Variants in CTSB observed in about 807,000 individuals in gnomAD.
CTSB encodes cathepsin B.
Under a neutral mutation model 44.3 loss-of-function variants are expected in CTSB, and 57 were observed. The ratio of observed to expected loss-of-function variants is 1.29; its 90% CI spans 1.04 to 1.60. The LOEUF (loss-of-function observed/expected upper bound fraction) is 1.60. Among genes scored for constraint, CTSB ranks in the 40% most tolerant of loss-of-function variants. The pLI, the probability that CTSB is intolerant of heterozygous loss-of-function variation, is 0.00. For missense variants in CTSB, 768 were observed against 443.0 expected, an observed-to-expected ratio of 1.73 and a Z score of -6.59; for synonymous variants, 320 against 168.0, an observed-to-expected ratio of 1.91 and a Z score of -7.00.
At chr8:11,857,131 C>G (rs925829915) in intron 1 of CTSB, among the ~76,000 whole-genome samples, 1 of 152,162 alleles carries the variant, frequency 6.6e-6, no homozygotes, top group Non-Finnish European at 1.5e-5. Context: ...TCAAGTGATT[C>G]TTGTGCCTCA....
At chr8:11,854,311 T>C (rs1815140620) in intron 1 of CTSB, among the ~76,000 whole-genome samples, 2 of 152,152 alleles carry the variant, frequency 1.3e-5, no homozygotes, top group Non-Finnish European at 2.9e-5. Flanking sequence ...TGAGGTGTTC[T>C]ACCTCCCACA....
intron 6 of CTSB, 71 bp from the exon 7 acceptor site, chr8:11,847,893 T>A: frequency 7.0e-7 from 1 of 1,431,026 alleles, no homozygotes. Context: ...AAGGCAAGCC[T>A]CGTGCCTGCA....
intron 3 of CTSB, 67 bp from the exon 4 acceptor site, chr8:11,851,047 C>A (rs747244839): frequency 1.4e-5 from 16 of 1,183,188 alleles, no homozygotes; most frequent in Non-Finnish European, 2.0e-5. Context: ...CCTGCAAAGG[C>A]CACTTTGGCT....
In CTSB at chr8:11,847,827, T is replaced by C. The variant is rs1308803683; in HGVS notation, c.533-5A>G. 7 of 1,588,666 alleles carry C rather than the reference T, an allele frequency of 4.4e-6. No homozygotes were observed. The highest frequency in any genetic ancestry group is 1.4e-5 in the African/African-American group (1 of 73,040). On this transcript the variant is annotated splice_polypyrimidine_tract_variant and splice_region_variant and intron_variant, in intron 6 of 9. Coordinates refer to ENST00000353047, the MANE Select transcript of CTSB (RefSeq NM_001908.5). ...GGATGGAGTACGGTCTGCACCCTGA[T>C]GGGACGCGGGAGAAAGCGGAGTCAA...
At position 11,844,898 on chromosome 8, in the gene CTSB, G is replaced by A. The variant is rs370392633; in HGVS notation, c.*227C>T. Reference sequence around the variant, plus strand: ...CTCCCTACGGCACTAGTCTACAGGGGGAAGGACGCTCTGTGCTGGCAGCGG... The same window carrying A: ...CTCCCTACGGCACTAGTCTACAGGGAGAAGGACGCTCTGTGCTGGCAGCGG... On this transcript the variant is annotated 3_prime_UTR_variant, in exon 10 of 10. Coordinates refer to ENST00000353047, the MANE Select transcript of CTSB (RefSeq NM_001908.5). 2.5e-5 allele frequency: 14 copies of A among 556,006 alleles called. No individual in the cohort carries two copies. The highest frequency in any genetic ancestry group is 1.8e-4 in the East Asian group (6 of 34,056). 34.4% of individuals were successfully genotyped at this position (556,006 alleles called of 1,614,324 possible).
rs1813554376 is a variant in CTSB, at chr8:11,847,187, T to C, written c.677-19A>G. The C allele has an allele frequency of 6.5e-7, 1 of 1,548,912 alleles. No individual in the cohort carries two copies. Among genetic ancestry groups the C allele is most frequent in the African/African-American group, 1.4e-5 (1 of 73,066 alleles). ...TTGTATCCTGGAAAATGAACCGAGC[T>C]CGGGGTTGGGGAGGGCAGTGACCGT... is the stretch of plus-strand genomic sequence containing the variant. On this transcript the variant is annotated intron_variant, in intron 7 of 9. Coordinates refer to ENST00000353047, the MANE Select transcript of CTSB (RefSeq NM_001908.5).
chr8:11,853,413 C>G lies in CTSB; in HGVS notation c.42G>C (p.Leu14Phe). The change falls in exon 2 of 10, where the codon TTG becomes TTC. Residue 14 changes from leucine to phenylalanine, a missense_variant. Physicochemically the swap from Leu to Phe is conservative, Grantham distance 22. Coordinates refer to ENST00000353047, the MANE Select transcript of CTSB (RefSeq NM_001908.5). Reference protein sequence around the residue: ...LWASLCCLLVLANARSRPSFH... With the variant: ...LWASLCCLLVFANARSRPSFH... ...AAGAGGGCCTGCTCCGGGCATTGGC[C>G]AACACCAGCAGGCAGCAGAGGGAGG... is the stretch of plus-strand genomic sequence containing the variant. The G allele has an allele frequency of 1.9e-6, 3 of 1,612,632 alleles. No homozygotes were observed. The highest frequency in any genetic ancestry group is 2.2e-5 in the South Asian group (2 of 90,978).
intron 6 of CTSB, 57 bp from the exon 7 acceptor site, chr8:11,847,879 G>C (rs993247714): frequency 8.6e-5 from 133 of 1,540,654 alleles, no homozygotes; most frequent in Non-Finnish European, 4.1e-5. Context: ...AGAAGACCTG[G>C]GGCAAGGCAA....
At chr8:11,846,925 A>G (rs995271132) in intron 8 of CTSB, 127 bp downstream of exon 8, 5 of 688,828 alleles carry the variant, frequency 7.3e-6, no homozygotes, top group Non-Finnish European at 1.3e-5. Context: ...AAGGCCCCAC[A>G]CAGCCCTCTT....
chr8:11,852,062 G>T (rs1814685428), intron 3 of CTSB, among the ~76,000 whole-genome samples: 1 of 152,152 alleles, frequency 6.6e-6, no homozygotes, highest in Non-Finnish European at 1.5e-5. Context: ...CTGCGGCTGA[G>T]ACACCTTGGA....
intron 1 of CTSB, chr8:11,853,861 G>C (rs778221588): frequency 6.1e-6 from 1 of 163,482 alleles, no homozygotes; most frequent in Non-Finnish European, 1.3e-5. Flanking sequence ...ACCCTAAGTG[G>C]AGGACCCAGG....
At chr8:11,862,718 G>T (rs1293303) in intron 1 of CTSB, among the ~76,000 whole-genome samples, 1 of 152,050 alleles carries the variant, frequency 6.6e-6, no homozygotes, top group Non-Finnish European at 1.5e-5. Context: ...GCGCAAGCCA[G>T]GAAGCTGTGT....
intron 5 of CTSB, 146 bp downstream of exon 5, chr8:11,848,900 G>A (rs1157562301): frequency 8.5e-6 from 5 of 591,328 alleles, no homozygotes; most frequent in South Asian, 3.8e-5. Context: ...GCCTTGCCAG[G>A]CCCTGCCTGC....
chr8:11,842,946 T>TTA lies in CTSB; in HGVS notation c.*2178_*2179insTA, dbSNP rs1396162366. On this transcript the variant is annotated 3_prime_UTR_variant, in exon 10 of 10. Coordinates refer to ENST00000353047, the MANE Select transcript of CTSB (RefSeq NM_001908.5). ...GCCACTGCGCCCGGCCTTTTTTTTT[T>TTA]TTTTTTTTTTTTTAATTATTGAGAC... 1 of 140,982 alleles carries TTA rather than the reference T, an allele frequency of 7.1e-6. No individual in the cohort carries two copies. The highest frequency in any genetic ancestry group is 2.8e-5 in the African/African-American group (1 of 36,102). The allele number at this position is 140,982 out of a possible 1,614,324, so 8.7% of individuals were successfully genotyped here.
chr8:11,855,110 C>T lies in CTSB; in HGVS notation c.-25-1631G>A, dbSNP rs532016246. 5.9e-5 allele frequency among the ~76,000 whole-genome samples: 9 copies of T among 152,316 alleles called. No homozygotes were observed. In the East Asian group the frequency reaches 1.7e-3, roughly 29 times the overall value. ...TGATCTCGGCTCACTGCAACCTCTG[C>T]CTCCTGGGTTCAAGCTATTCTCCTA... On this transcript the variant is annotated intron_variant, in intron 1 of 9. Coordinates refer to ENST00000353047, the MANE Select transcript of CTSB (RefSeq NM_001908.5).
intron 1 of CTSB, among the ~76,000 whole-genome samples, chr8:11,859,403 A>G (rs1816027382): frequency 6.6e-6 from 1 of 152,114 alleles, no homozygotes; most frequent in Non-Finnish European, 1.5e-5. Context: ...CGGCTAAGTC[A>G]CAGGAGGTGT....
At position 11,844,062 on chromosome 8, in the gene CTSB, G is replaced by C. The variant is rs1812764236; in HGVS notation, c.*1063C>G. 6.6e-6 allele frequency: 1 copy of C among 152,158 alleles called. No individual in the cohort carries two copies. The highest frequency in any genetic ancestry group is 1.5e-5 in the Non-Finnish European group (1 of 68,024). 9.4% of individuals were successfully genotyped at this position (152,158 alleles called of 1,614,324 possible). ...AACAACAACAAAAAAATAGAGCACA[G>C]CTATGTTTTGAGTTCTTAAGCAAGG... is the stretch of plus-strand genomic sequence containing the variant. On this transcript the variant is annotated 3_prime_UTR_variant, in exon 10 of 10. Coordinates refer to ENST00000353047, the MANE Select transcript of CTSB (RefSeq NM_001908.5).
chr8:11,847,848 G>C lies in CTSB; in HGVS notation c.533-26C>G, dbSNP rs578192124. 46 of 1,580,008 alleles carry C rather than the reference G, an allele frequency of 2.9e-5. No individual in the cohort carries two copies. The South Asian group carries it at 3.0e-4, about 10-fold the overall frequency. The stretch of plus-strand genomic sequence containing the variant: ...CTGATGGGACGCGGGAGAAAGCGGA[G>C]TCAACCTACAGCCCCCACGGAGAAG... On this transcript the variant is annotated intron_variant, in intron 6 of 9. Transcript: ENST00000353047.
intron 7 of CTSB, among the ~76,000 whole-genome samples, chr8:11,847,441 AAAG>A (rs937828197): frequency 2.6e-5 from 4 of 152,142 alleles, no homozygotes; most frequent in African/African-American, 7.2e-5. Context: ...CTCCCTTGTA[AAAG>A]GAGGGCTTTG....
Sources: gnomAD v4.1 joint callset for allele counts (sites outside exome capture counted in the v4.1 genomes callset) on GRCh38, gnomAD v4.1.1 for gene constraint, MANE v1.5 for transcripts, NCBI Gene and HGNC (gene_info 2026-07-23, HGNC 2026-07-21) for gene names.